The following SDK2 variants were observed in gnomAD, a reference collection of about 807,000 sequenced individuals.
SDK2 encodes the protein sidekick cell adhesion molecule 2.
A neutral mutation model predicts 253.9 loss-of-function variants in SDK2; 105 were observed. The ratio of observed to expected loss-of-function variants is 0.41; its 90% confidence interval spans 0.35 to 0.49. SDK2 has a LOEUF of 0.49. Ranked by LOEUF, SDK2 falls within the 20% of genes least tolerant of loss-of-function variation. The pLI is 0.06. For missense variants in SDK2, 2,608 were observed against 3,003.0 expected (o/e 0.87, Z 3.07); for synonymous variants, 1,249 against 1,234.9 (o/e 1.01, Z -0.24).
At chr17:73,535,282 G>T (rs1167417210) in intron 1 of SDK2, among the ~76,000 whole-genome samples, 2 of 152,192 alleles carry the variant, frequency 1.3e-5, no homozygotes, top group African/African-American at 4.8e-5. Context: ...CTGCCACTTT[G>T]TGCTGTGTGG....
chr17:73,495,646 T>TGTGTGTG (rs879848701), intron 2 of SDK2, among the ~76,000 whole-genome samples: 13 of 119,874 alleles, frequency 1.1e-4, no homozygotes, highest in African/African-American at 1.6e-4. Context: ...GTGTGTGTGT[T>TGTGTGTG]TGTTTGTGTA....
chr17:73,450,967 C>G (rs1297107079), intron 4 of SDK2, among the ~76,000 whole-genome samples: 1 of 152,228 alleles, frequency 6.6e-6, no homozygotes, highest in African/African-American at 2.4e-5. Context: ...CTCAGGCTTC[C>G]CTTGTGTCAT....
chr17:73,466,938 G>A (rs528449048), intron 3 of SDK2, among the ~76,000 whole-genome samples: 5 of 152,280 alleles, frequency 3.3e-5, no homozygotes, highest in Admixed American at 6.5e-5. Flanking sequence ...CTCGGTTGGG[G>A]CGAGAATCCA....
chr17:73,364,489 A>G (rs1232548981), intron 38 of SDK2, among the ~76,000 whole-genome samples: 3 of 152,096 alleles, frequency 2.0e-5, no homozygotes, highest in Non-Finnish European at 4.4e-5. Context: ...CTTTGGTCAG[A>G]TTCTCATCAG....
chr17:73,436,220 C>T (rs1342951130), intron 8 of SDK2, among the ~76,000 whole-genome samples: 1 of 152,136 alleles, frequency 6.6e-6, no homozygotes, highest in Non-Finnish European at 1.5e-5. Context: ...CGGCTTTGCA[C>T]ATGGAGGTGA....
chr17:73,339,555 T>TG (rs2062416064), intron 44 of SDK2, among the ~76,000 whole-genome samples: 2 of 151,936 alleles, frequency 1.3e-5, no homozygotes, highest in Admixed American at 6.6e-5. Flanking sequence ...TTCTTTTTTT[T>TG]GGGGGGCGGG....
At chr17:73,640,442 C>T (rs796460622) in intron 1 of SDK2, among the ~76,000 whole-genome samples, 8 of 152,022 alleles carry the variant, frequency 5.3e-5, no homozygotes, top group African/African-American at 1.4e-4. Flanking sequence ...GACTCCCCCG[C>T]GGAAGCCAAG....
chr17:73,479,507 A>C (rs1184759353), intron 2 of SDK2, among the ~76,000 whole-genome samples: 3 of 152,244 alleles, frequency 2.0e-5, no homozygotes, highest in Non-Finnish European at 4.4e-5. Context: ...TTCTTCAGGA[A>C]ATCGGGCAAA....
rs1411562011 is a variant in SDK2, at chr17:73,467,701, G to T, written c.331+4411C>A. 6.6e-6 allele frequency among the ~76,000 whole-genome samples: 1 copy of T among 152,178 alleles called. No individual in the cohort carries two copies. The highest frequency in any genetic ancestry group is 1.5e-5 in the Non-Finnish European group (1 of 68,032). On this transcript the variant is annotated intron_variant, in intron 3 of 44. Coordinates refer to ENST00000392650, the MANE Select transcript of SDK2 (RefSeq NM_001144952.2). This position sits in a 1 kb window ranked among gnomAD's most constrained non-coding sequence, Gnocchi z 4.1. Reference sequence around the variant, plus strand: ...GGTGAAACCTTCCTTAGCTTGTCAGGAACTGCGTTCTTCTCAAGGGTCGGA... The same window carrying T: ...GGTGAAACCTTCCTTAGCTTGTCAGTAACTGCGTTCTTCTCAAGGGTCGGA...
chr17:73,586,008 T>A (rs767815111), intron 1 of SDK2, among the ~76,000 whole-genome samples: 2 of 152,190 alleles, frequency 1.3e-5, no homozygotes. Context: ...CAGTTGGAAC[T>A]TCAGTGGGAA....
At position 73,378,561 on chromosome 17, in the gene SDK2, C is replaced by T. The variant is rs8069238; in HGVS notation, c.4980+616G>A. Among the ~76,000 whole-genome samples the T allele has an allele frequency of 2.1e-3, 320 of 151,760 alleles. 1 individual carries two copies. Among genetic ancestry groups the T allele is most frequent in the Non-Finnish European group, 1.8e-3 (125 of 67,934 alleles). ...CAGCCTCTCGAATAGCTGGGATTACCGGTGCCTGCCACCATGCCCGGCTAA... is the reference window on the plus strand; with the variant it reads ...CAGCCTCTCGAATAGCTGGGATTACTGGTGCCTGCCACCATGCCCGGCTAA... On this transcript the variant is annotated intron_variant, in intron 36 of 44. Transcript: ENST00000392650.
At chr17:73,426,079 CTG>C (rs564155943) in intron 12 of SDK2, among the ~76,000 whole-genome samples, 324 of 151,928 alleles carry the variant, frequency 2.1e-3, no homozygotes, top group Middle Eastern at 6.8e-3. Context: ...GAATCTCACT[CTG>C]TTGCCCAGGC....
intron 1 of SDK2, among the ~76,000 whole-genome samples, chr17:73,573,541 C>T (rs72845773): frequency 0.087 from 13,276 of 152,126 alleles, 668 homozygotes; most frequent in South Asian, 0.19. Flanking sequence ...TCCATCAGCT[C>T]GGCACATCCT....
At position 73,518,852 on chromosome 17, in the gene SDK2, G is replaced by A. The variant is rs1449214186; in HGVS notation, c.65-11255C>T. 2.0e-5 allele frequency: 3 copies of A among 152,222 alleles called. No homozygotes were observed. The East Asian group carries it at 5.8e-4, about 29-fold the overall frequency. 9.4% of individuals were successfully genotyped at this position (152,222 alleles called of 1,614,324 possible). A position where few individuals can be genotyped will look rare whatever the true frequency, so the allele number is the denominator to read the frequency against. ...GCCCCAAGGCAGGACAGCATGCTTG[G>A]AGCAATTCTCCAGTTTTACAGCTGA... On this transcript the variant is annotated intron_variant, in intron 1 of 44. Coordinates refer to ENST00000392650, the MANE Select transcript of SDK2 (RefSeq NM_001144952.2).
intron 39 of SDK2, among the ~76,000 whole-genome samples, chr17:73,360,938 GA>G (rs1262851160): frequency 0.016 from 1,394 of 88,700 alleles, 10 homozygotes; most frequent in African/African-American, 0.027. Flanking sequence ...TCTGTCTCCA[GA>G]AAAAAAAAAA....
chr17:73,631,231 T>A (rs1392838419), intron 1 of SDK2, among the ~76,000 whole-genome samples: 1 of 152,134 alleles, frequency 6.6e-6, no homozygotes, highest in Non-Finnish European at 1.5e-5. Flanking sequence ...CCCTCGGCCC[T>A]CCTTGGCAGC....
intron 3 of SDK2, among the ~76,000 whole-genome samples, chr17:73,466,493 C>G (rs897667971): frequency 6.6e-6 from 1 of 152,122 alleles, no homozygotes; most frequent in Non-Finnish European, 1.5e-5. Flanking sequence ...GCTGGGGCCA[C>G]GGTTACACCC....
chr17:73,595,285 C>T (rs967930358), intron 1 of SDK2, among the ~76,000 whole-genome samples: 1 of 152,006 alleles, frequency 6.6e-6, no homozygotes, highest in African/African-American at 2.4e-5. Context: ...GGCCCTGTGT[C>T]GGAGAGACAG....
In SDK2 at chr17:73,481,209, C is replaced by A. The variant is rs759583878; in HGVS notation, c.225-8991G>T. Among the ~76,000 whole-genome samples the A allele has an allele frequency of 5.9e-5, 9 of 152,114 alleles. No homozygotes were observed. Among genetic ancestry groups the A allele is most frequent in the African/African-American group, 9.7e-5 (4 of 41,412 alleles). On this transcript the variant is annotated intron_variant, in intron 2 of 44. Transcript: ENST00000392650. The surrounding 1 kb of genome is among the most constrained non-coding windows in gnomAD (Gnocchi z 4.5). Reference sequence around the variant, plus strand: ...AGGTGGGGGAGGGCCCTGGACTTGTCCCCTCCCAGAGGACAGACACTGGGA... The same window carrying A: ...AGGTGGGGGAGGGCCCTGGACTTGTACCCTCCCAGAGGACAGACACTGGGA...
Sources: allele counts gnomAD v4.1 joint callset (sites outside exome capture counted in the v4.1 genomes callset), GRCh38; gene constraint gnomAD v4.1.1; non-coding constraint Gnocchi (gnomAD v3.1); transcripts MANE v1.5; gene names NCBI Gene and HGNC (gene_info 2026-07-23, HGNC 2026-07-21).